The following PRKG1 variants were observed in gnomAD, a reference collection of about 807,000 sequenced individuals.
The protein encoded by PRKG1 is protein kinase cGMP-dependent 1, also known as cGMP-dependent protein kinase 1.
Under a neutral mutation model 88.1 loss-of-function variants are expected in PRKG1, and 35 were observed. That is an observed-to-expected ratio of 0.40 (90% CI 0.30 to 0.53). The LOEUF (loss-of-function observed/expected upper bound fraction) is 0.53, where lower values mean the gene tolerates loss of function less well. Ranked by LOEUF, PRKG1 falls within the 20% of genes least tolerant of loss-of-function variation. PRKG1 has a pLI of 0.59. For synonymous variants in PRKG1, 303 were observed against 292.5 expected, an observed-to-expected ratio of 1.04 and a Z score of -0.37; for missense variants, 540 against 839.8, an observed-to-expected ratio of 0.64 and a Z score of 4.41.
At chr10:52,209,629 T>C (rs1839911101) in intron 9 of PRKG1, among the ~76,000 whole-genome samples, 1 of 152,180 alleles carries the variant, frequency 6.6e-6, no homozygotes, top group Admixed American at 6.5e-5. Context: ...CCAGAAGTCA[T>C]AATCTCATGA....
intron 1 of PRKG1, among the ~76,000 whole-genome samples, chr10:51,105,029 C>T (rs1327521737): frequency 6.6e-6 from 1 of 152,080 alleles, no homozygotes; most frequent in East Asian, 1.9e-4. Context: ...CGCACCCAGC[C>T]CTGGCTAATT....
chr10:51,083,215 G>T (rs534060500), intron 1 of PRKG1, among the ~76,000 whole-genome samples: 7 of 152,292 alleles, frequency 4.6e-5, no homozygotes, highest in Middle Eastern at 3.4e-3. Context: ...CACAAAAGTG[G>T]CAGCAGCTCT....
chr10:51,406,934 G>T, intron 2 of PRKG1, among the ~76,000 whole-genome samples: 1 of 152,280 alleles, frequency 6.6e-6, no homozygotes, highest in Non-Finnish European at 1.5e-5. Flanking sequence ...GGACCAGTCC[G>T]AGTTCCAAAA....
chr10:51,762,959 G>C (rs530213132), intron 3 of PRKG1, among the ~76,000 whole-genome samples: 1 of 152,206 alleles, frequency 6.6e-6, no homozygotes, highest in South Asian at 2.1e-4. Context: ...TTTAAAATCT[G>C]GTATCCTAGT....
chr10:51,335,284 A>G (rs962908342), intron 2 of PRKG1, among the ~76,000 whole-genome samples: 8 of 152,064 alleles, frequency 5.3e-5, no homozygotes, highest in African/African-American at 1.4e-4. Context: ...TAGTTTATCA[A>G]TGTTCTGTGA....
At chr10:51,535,890 G>C (rs1264512020) in intron 3 of PRKG1, among the ~76,000 whole-genome samples, 1 of 151,868 alleles carries the variant, frequency 6.6e-6, no homozygotes, top group Non-Finnish European at 1.5e-5. Flanking sequence ...GCCCAGTTAA[G>C]TTTTGTATTT....
Position 52,008,617 on chromosome 10 carries a change from T to C in PRKG1, c.763-45867T>C, listed in dbSNP as rs1200818566. 2.0e-5 allele frequency among the ~76,000 whole-genome samples: 3 copies of C among 152,206 alleles called. No individual in the cohort carries two copies. The East Asian group carries it at 5.8e-4, about 29-fold the overall frequency. ...AACAGACTAATAACAAGTTCCAAAG[T>C]TGAATCAATAATAAAAACCCTACCA... On this transcript the variant is annotated intron_variant, in intron 5 of 17. Transcript: ENST00000373980.
chr10:51,503,568 G>C (rs141460890), intron 3 of PRKG1, among the ~76,000 whole-genome samples: 1 of 152,310 alleles, frequency 6.6e-6, no homozygotes, highest in East Asian at 1.9e-4. Flanking sequence ...AGCCAGGTCT[G>C]TATCCTTAGC....
chr10:52,020,583 T>A (rs1845157718), intron 5 of PRKG1, among the ~76,000 whole-genome samples: 1 of 152,178 alleles, frequency 6.6e-6, no homozygotes, highest in Non-Finnish European at 1.5e-5. Context: ...AGTGGGCACA[T>A]GAAGGTCAAG....
chr10:51,007,251 G>A (rs11813665), intron 1 of PRKG1, among the ~76,000 whole-genome samples: 3,430 of 152,154 alleles, frequency 0.023, 70 homozygotes, highest in African/African-American at 0.051. Context: ...GGCTGGGCCT[G>A]AGATTCTTAA....
intron 2 of PRKG1, among the ~76,000 whole-genome samples, chr10:51,203,101 G>C (rs552468574): frequency 6.6e-6 from 1 of 151,898 alleles, no homozygotes; most frequent in Non-Finnish European, 1.5e-5. Flanking sequence ...GAGGGAGAGA[G>C]AGAGAGAGAG....
chr10:51,048,307 T>C (rs761040146), intron 1 of PRKG1, among the ~76,000 whole-genome samples: 24 of 151,966 alleles, frequency 1.6e-4, no homozygotes, highest in Admixed American at 1.3e-4. Context: ...CTCCTTCCTC[T>C]CTCCCCCTTT....
intron 2 of PRKG1, among the ~76,000 whole-genome samples, chr10:51,211,483 A>G (rs1175383270): frequency 1.3e-5 from 2 of 152,198 alleles, no homozygotes; most frequent in Non-Finnish European, 2.9e-5. Flanking sequence ...AGGCAGGAGA[A>G]GGGAATAAAG....
intron 2 of PRKG1, among the ~76,000 whole-genome samples, chr10:51,404,288 A>G (rs1837841824): frequency 6.6e-6 from 1 of 152,254 alleles, no homozygotes; most frequent in African/African-American, 2.4e-5. Context: ...ACAAATGCGA[A>G]TACTTTGTGT....
intron 3 of PRKG1, among the ~76,000 whole-genome samples, chr10:51,717,511 A>G (rs1841914938): frequency 6.6e-6 from 1 of 152,188 alleles, no homozygotes; most frequent in Admixed American, 6.5e-5. Context: ...ATGATCCTCA[A>G]GTAAGAAGGG....
In PRKG1 at chr10:51,515,946, T is replaced by C. The variant is rs145007984; in HGVS notation, c.592+48110T>C. On this transcript the variant is annotated intron_variant, in intron 3 of 17. Transcript: ENST00000373980. ...TTAAAATGCTCTCTTAGCTCCACTGTCCACAGACAGCATTGTGTTATCAGC... is the reference window on the plus strand; with the variant it reads ...TTAAAATGCTCTCTTAGCTCCACTGCCCACAGACAGCATTGTGTTATCAGC... Among the ~76,000 whole-genome samples the C allele has an allele frequency of 9.0e-3, 1,376 of 152,262 alleles. 20 individuals are homozygous for C. Among genetic ancestry groups the C allele is most frequent in the Middle Eastern group, 0.037 (11 of 294 alleles).
intron 4 of PRKG1, among the ~76,000 whole-genome samples, chr10:51,809,684 T>C (rs1276237373): frequency 2.0e-5 from 3 of 152,222 alleles, no homozygotes; most frequent in African/African-American, 7.2e-5. Flanking sequence ...AGGGGCTTTT[T>C]GGAATTTAAG....
chr10:51,476,468 T>C (rs1040400987), intron 3 of PRKG1, among the ~76,000 whole-genome samples: 1 of 152,078 alleles, frequency 6.6e-6, no homozygotes, highest in Non-Finnish European at 1.5e-5. Flanking sequence ...CATTGATAAA[T>C]ACTCATGTTA....
chr10:51,953,293 A>G (rs144100540), intron 5 of PRKG1, among the ~76,000 whole-genome samples: 2,674 of 152,262 alleles, frequency 0.018, 34 homozygotes, highest in Non-Finnish European at 0.028. Context: ...ACACATTCAA[A>G]CTGTTTTCCA....
Sources: allele counts gnomAD v4.1 joint callset (sites outside exome capture counted in the v4.1 genomes callset), GRCh38; gene constraint gnomAD v4.1.1; transcripts MANE v1.5; gene names NCBI Gene and HGNC (gene_info 2026-07-23, HGNC 2026-07-21).